Variants in RBM20 observed in about 807,000 individuals in gnomAD.
RBM20 encodes the protein RNA-binding protein 20.
In RBM20, 51 loss-of-function variants were observed where a neutral mutation model predicts 110.1. That is an observed-to-expected ratio of 0.46 (90% CI 0.37 to 0.59). The LOEUF (loss-of-function observed/expected upper bound fraction) is 0.59. Ranked by LOEUF, RBM20 falls within the 20% of genes least tolerant of loss-of-function variation. RBM20 has a pLI of 0.00. For synonymous variants in RBM20, 589 were observed against 618.2 expected, an observed-to-expected ratio of 0.95 and a Z score of 0.70; for missense variants, 1,512 against 1,574.9, an observed-to-expected ratio of 0.96 and a Z score of 0.68.
intron 1 of RBM20, among the ~76,000 whole-genome samples, chr10:110,645,259 T>C (rs1861852807): frequency 6.6e-6 from 1 of 152,198 alleles, no homozygotes; most frequent in South Asian, 2.1e-4. Context: ...CAGGTCGGCC[T>C]TCCCAATGCT....
intron 9 of RBM20, among the ~76,000 whole-genome samples, chr10:110,815,458 T>A (rs2135110669): frequency 6.6e-6 from 1 of 152,296 alleles, no homozygotes; most frequent in African/African-American, 2.4e-5. Flanking sequence ...TTGAACTGGA[T>A]CCCAAGGACC....
chr10:110,727,419 A>AAAAATAAAAAAAAAAAATAAAAAAAAT lies in RBM20; in HGVS notation c.192-53379_192-53378insATAAAAAAAAAAAATAAAAAAAATAAA, dbSNP rs377734576. 1.5e-3 allele frequency among the ~76,000 whole-genome samples: 224 copies of AAAAATAAAAAAAAAAAATAAAAAAAAT among 146,800 alleles called. 1 individual carries two copies. The highest frequency in any genetic ancestry group is 2.4e-3 in the Admixed American group (36 of 14,886). ...CGTCTCAAAAAATAAAAATAAAAAA[A>AAAAATAAAAAAAAAAAATAAAAAAAAT]AAATAAATAAAAAGTCCATCCTGTT... On this transcript the variant is annotated intron_variant, in intron 1 of 13. Coordinates refer to ENST00000369519, the MANE Select transcript of RBM20 (RefSeq NM_001134363.3).
chr10:110,748,153 G>A (rs1262916926), intron 1 of RBM20, among the ~76,000 whole-genome samples: 1 of 152,158 alleles, frequency 6.6e-6, no homozygotes, highest in Non-Finnish European at 1.5e-5. Flanking sequence ...GCAGCAATGG[G>A]TTTAGGAGTT....
chr10:110,670,433 C>T lies in RBM20; in HGVS notation c.191+25788C>T, dbSNP rs77806120. Among the ~76,000 whole-genome samples, 157 of 152,316 alleles carry T rather than the reference C, an allele frequency of 1.0e-3. 2 individuals are homozygous for T. In the East Asian group the frequency reaches 0.023, roughly 23 times the overall value. On this transcript the variant is annotated intron_variant, in intron 1 of 13. Coordinates refer to ENST00000369519, the MANE Select transcript of RBM20 (RefSeq NM_001134363.3). ...AGATCTGAAACTAAGTTTCTCATGA[C>T]TGGACTGTATTTCTTTAGCTGCTGG... is the stretch of plus-strand genomic sequence containing the variant.
chr10:110,803,834 A>C (rs74675598), intron 7 of RBM20, among the ~76,000 whole-genome samples: 2 of 151,394 alleles, frequency 1.3e-5, no homozygotes, highest in Admixed American at 6.6e-5. Context: ...AAAAAAAAAA[A>C]AAAAAGAATT....
chr10:110,821,648 C>T lies in RBM20; in HGVS notation c.3029C>T (p.Pro1010Leu), dbSNP rs1844912496. ...PGLNLDAERK[P>L]AESETGLSLE... ...CTAAATCTGGATGCTGAGCGGAAGC[C>T]AGCTGAAAGTGAGACAGGCCTCTCC... Residue 1010 changes from proline (P) to leucine (L), a missense_variant, in exon 11 of 14, where the codon CCA (proline) becomes CTA (leucine). Transcript: ENST00000369519. 1 of 1,551,642 alleles carries T rather than the reference C, an allele frequency of 6.4e-7. No homozygotes were observed. The highest frequency in any genetic ancestry group is 2.0e-5 in the Admixed American group (1 of 50,990).
chr10:110,644,555 C>T lies in RBM20; in HGVS notation c.101C>T (p.Ala34Val). 6.6e-7 allele frequency: 1 copy of T among 1,526,216 alleles called. No individual in the cohort carries two copies. The highest frequency in any genetic ancestry group is 8.8e-7 in the Non-Finnish European group (1 of 1,140,214). The allele number at this position is 1,526,216 out of a possible 1,614,324, so 94.5% of individuals were successfully genotyped here. Residue 34 changes from alanine to valine, a missense_variant, in exon 1 of 14, where the codon GCA becomes GTA. Ala to Val is a moderately conservative substitution (Grantham distance 64). Coordinates refer to ENST00000369519, the MANE Select transcript of RBM20 (RefSeq NM_001134363.3). The surrounding 1 kb of genome is among the most constrained non-coding windows in gnomAD (Gnocchi z 4.3). ...GTGCCTGGTGCCCGGGCGTCCCCGGCACCCTCCGGCCCGCGAGGGATGCAG... is the reference window on the plus strand; with the variant it reads ...GTGCCTGGTGCCCGGGCGTCCCCGGTACCCTCCGGCCCGCGAGGGATGCAG... ...CSVPGARASP[A>V]PSGPRGMQQP...
chr10:110,771,801 C>T (rs1296575628), intron 1 of RBM20, among the ~76,000 whole-genome samples: 1 of 152,066 alleles, frequency 6.6e-6, no homozygotes, highest in Non-Finnish European at 1.5e-5. Flanking sequence ...GCCAAGGCAT[C>T]AATGCTTGTG....
At chr10:110,701,091 G>A (rs1862751056) in intron 1 of RBM20, among the ~76,000 whole-genome samples, 2 of 152,140 alleles carry the variant, frequency 1.3e-5, no homozygotes, top group Non-Finnish European at 2.9e-5. Flanking sequence ...GAAATTTTCA[G>A]ACTCATTGCA....
chr10:110,737,617 T>A (rs1843685480), intron 1 of RBM20, among the ~76,000 whole-genome samples: 1 of 85,664 alleles, frequency 1.2e-5, no homozygotes, highest in Non-Finnish European at 2.3e-5. Flanking sequence ...ATAGATTAGT[T>A]TGCCTTTTTT....
intron 1 of RBM20, among the ~76,000 whole-genome samples, chr10:110,647,333 T>A (rs1246757254): frequency 6.6e-6 from 1 of 152,216 alleles, no homozygotes; most frequent in Non-Finnish European, 1.5e-5. Flanking sequence ...AGAGTTAATT[T>A]CTCTGGAGTA....
chr10:110,651,550 G>A (rs1861949570), intron 1 of RBM20, among the ~76,000 whole-genome samples: 1 of 152,178 alleles, frequency 6.6e-6, no homozygotes, highest in East Asian at 1.9e-4. Flanking sequence ...TAATTTTCAT[G>A]TGTCTGAATT....
At chr10:110,765,060 C>T (rs1844061741) in intron 1 of RBM20, among the ~76,000 whole-genome samples, 1 of 152,070 alleles carries the variant, frequency 6.6e-6, no homozygotes, top group Non-Finnish European at 1.5e-5. Flanking sequence ...CTCCTCATGA[C>T]CCCAGTGAAA....
chr10:110,654,838 A>G (rs1345573544), intron 1 of RBM20, among the ~76,000 whole-genome samples: 4 of 152,246 alleles, frequency 2.6e-5, no homozygotes, highest in African/African-American at 9.6e-5. Flanking sequence ...TATCTGTTAA[A>G]GGAAGCAGTA....
Position 110,831,048 on chromosome 10 carries a change from C to A in RBM20, c.3452-13C>A. ...ATCCTAACCCTGCGTGTCTATCCCC[C>A]ATCCTTTCCCAGGGGTGGAGTTCGT... On this transcript the variant is annotated splice_polypyrimidine_tract_variant and intron_variant, in intron 12 of 13. Transcript: ENST00000369519. The A allele has an allele frequency of 6.5e-7, 1 of 1,548,516 alleles. No homozygotes were observed. The highest frequency in any genetic ancestry group is 8.7e-7 in the Non-Finnish European group (1 of 1,144,458).
At chr10:110,819,827 T>G (rs1844885517) in intron 9 of RBM20, among the ~76,000 whole-genome samples, 1 of 152,174 alleles carries the variant, frequency 6.6e-6, no homozygotes, top group Admixed American at 6.5e-5. Context: ...TTCAAGACAT[T>G]TCTCTGCCTC....
chr10:110,834,194 C>T (rs867928102), intron 13 of RBM20, among the ~76,000 whole-genome samples: 15 of 152,206 alleles, frequency 9.9e-5, no homozygotes, highest in Non-Finnish European at 1.5e-4. Flanking sequence ...AATGTGTCCA[C>T]GTACTGGGCG....
intron 1 of RBM20, among the ~76,000 whole-genome samples, chr10:110,769,919 A>G (rs1289926511): frequency 6.6e-6 from 1 of 151,996 alleles, no homozygotes; most frequent in South Asian, 2.1e-4. Context: ...GAATCTCTCT[A>G]TGTTGCCCAG....
intron 1 of RBM20, among the ~76,000 whole-genome samples, chr10:110,681,688 C>CA (rs1862424389): frequency 6.6e-6 from 1 of 152,114 alleles, no homozygotes; most frequent in South Asian, 2.1e-4. Flanking sequence ...AGAAAATTTG[C>CA]AAAAATAGTG....
Sources: allele counts gnomAD v4.1 joint callset (sites outside exome capture counted in the v4.1 genomes callset), GRCh38; gene constraint gnomAD v4.1.1; non-coding constraint Gnocchi (gnomAD v3.1); transcripts MANE v1.5; gene names NCBI Gene and HGNC (gene_info 2026-07-23, HGNC 2026-07-21).